Variants in ALPK1 observed in about 807,000 individuals in gnomAD.
ALPK1 encodes alpha-protein kinase 1.
ALPK1 carries 110 observed loss-of-function variants against 120.6 expected under a neutral mutation model. The observed-to-expected ratio is 0.91, with a 90% CI of 0.78 to 1.07. ALPK1 has a LOEUF of 1.07. ALPK1 is among the 50% of genes least tolerant of loss of function. The pLI is 0.00. For missense variants in ALPK1, 1,498 were observed against 1,483.9 expected (o/e 1.01, Z -0.16); for synonymous variants, 582 against 560.3 (o/e 1.04, Z -0.55).
chr4:112,403,774 A>T (rs1733033841), intron 4 of ALPK1, among the ~76,000 whole-genome samples: 1 of 152,208 alleles, frequency 6.6e-6, no homozygotes, highest in Non-Finnish European at 1.5e-5. Context: ...ATCCTCCTCC[A>T]AGTCTACTTT....
At chr4:112,429,342 C>G (rs17444613) in intron 10 of ALPK1, 89 bp downstream of exon 10, 219,331 of 1,012,944 alleles carry the variant, frequency 0.22, 25,915 homozygotes, top group Non-Finnish European at 0.25. Context: ...AAGGTTTAAC[C>G]TTCAAACAGG....
chr4:112,325,193 C>T (rs1306995197), intron 2 of ALPK1, among the ~76,000 whole-genome samples: 1 of 152,162 alleles, frequency 6.6e-6, no homozygotes, highest in African/African-American at 2.4e-5. Flanking sequence ...GGTAATGCAC[C>T]TATCTCCCTA....
chr4:112,368,264 T>C (rs1163632831), intron 2 of ALPK1, among the ~76,000 whole-genome samples: 1 of 152,246 alleles, frequency 6.6e-6, no homozygotes, highest in Non-Finnish European at 1.5e-5. Flanking sequence ...GAATTTTTAA[T>C]TTTTAATTTT....
chr4:112,430,647 G>A lies in ALPK1; in HGVS notation c.1100G>A (p.Arg367Lys), dbSNP rs1289963819. Reference protein sequence around the residue: ...AAFGLTTVHRRLHGETGTVHA... With the variant: ...AAFGLTTVHRKLHGETGTVHA... Reference sequence around the variant, plus strand: ...TTCGGTCTCACCACAGTGCACAGAAGGCTCCATGGGGAGACAGGGACGGTC... The same window carrying A: ...TTCGGTCTCACCACAGTGCACAGAAAGCTCCATGGGGAGACAGGGACGGTC... The change falls in exon 11 of 16, where the codon AGG becomes AAG. Residue 367 changes from arginine to lysine, a missense_variant. Coordinates refer to ENST00000650871, the MANE Select transcript of ALPK1 (RefSeq NM_025144.4). 6.2e-7 allele frequency: 1 copy of A among 1,614,172 alleles called. No homozygotes were observed. Among genetic ancestry groups the A allele is most frequent in the Non-Finnish European group, 8.5e-7 (1 of 1,180,032 alleles).
intron 1 of ALPK1, among the ~76,000 whole-genome samples, chr4:112,314,342 A>G (rs1234246893): frequency 6.6e-6 from 1 of 151,842 alleles, no homozygotes; most frequent in South Asian, 2.1e-4. Flanking sequence ...GGATCCATAG[A>G]GGTCCCAGTG....
chr4:112,408,876 C>T (rs942735993), intron 4 of ALPK1, among the ~76,000 whole-genome samples: 7 of 152,110 alleles, frequency 4.6e-5, no homozygotes, highest in African/African-American at 1.7e-4. Flanking sequence ...TAGGCTTTTT[C>T]TGGTTGGAAG....
chr4:112,432,528 A>G lies in ALPK1; in HGVS notation c.2981A>G (p.Gln994Arg). 2.5e-6 allele frequency: 4 copies of G among 1,614,146 alleles called. No individual in the cohort carries two copies. Among genetic ancestry groups the G allele is most frequent in the Non-Finnish European group, 3.4e-6 (4 of 1,180,034 alleles). The change falls in exon 11 of 16, where the codon CAG becomes CGG. Residue 994 changes from glutamine (Q) to arginine (R), a missense_variant. Physicochemically the swap from Gln to Arg is conservative, Grantham distance 43 (BLOSUM62 1). Coordinates refer to ENST00000650871, the MANE Select transcript of ALPK1 (RefSeq NM_025144.4). ...LAGVRHDWLF[Q>R]RLENTGVFKP... is the part of the protein sequence containing the mutation. ...GGAGTGAGGCATGATTGGCTGTTTC[A>G]GAGACTAGAGAATACGGGGGTTTTT...
intron 12 of ALPK1, among the ~76,000 whole-genome samples, chr4:112,435,828 G>T (rs778387296): frequency 2.0e-5 from 3 of 152,144 alleles, no homozygotes; most frequent in Non-Finnish European, 4.4e-5. Flanking sequence ...CACCCAGAAG[G>T]GAATGAGTTC....
chr4:112,398,428 G>C lies in ALPK1; in HGVS notation c.277-13399G>C, dbSNP rs547072188. On this transcript the variant is annotated intron_variant, in intron 4 of 15. Transcript: ENST00000650871. ...CCACCTCAACCTCCAGAATAGCTGAGACTACAGGCAAGCACCACCATGCAT... is the reference window on the plus strand; with the variant it reads ...CCACCTCAACCTCCAGAATAGCTGACACTACAGGCAAGCACCACCATGCAT... Among the ~76,000 whole-genome samples the C allele has an allele frequency of 1.9e-4, 29 of 152,122 alleles. No individual in the cohort carries two copies. The South Asian group carries it at 6.0e-3, about 32-fold the overall frequency.
chr4:112,299,756 C>T (rs746611699), intron 1 of ALPK1, among the ~76,000 whole-genome samples: 4 of 152,138 alleles, frequency 2.6e-5, no homozygotes, highest in Non-Finnish European at 5.9e-5. Flanking sequence ...ACGTTTATCA[C>T]ACCTGTAGCC....
At position 112,314,053 on chromosome 4, in the gene ALPK1, A is replaced by G. The variant is rs149266169; in HGVS notation, c.-152-1748A>G. Among the ~76,000 whole-genome samples, 49 of 152,348 alleles carry G rather than the reference A, an allele frequency of 3.2e-4. 1 individual carries two copies. The highest frequency in any genetic ancestry group is 1.1e-3 in the African/African-American group (46 of 41,592). ...TGTAAAAGATTGAGAGAGGAAGAGG[A>G]GAGAAATACTGCTGCCCTTGAATAG... On this transcript the variant is annotated intron_variant, in intron 1 of 15. Transcript: ENST00000650871.
Position 112,344,546 on chromosome 4 carries a change from T to C in ALPK1, c.-101+28694T>C, listed in dbSNP as rs80333198. On this transcript the variant is annotated intron_variant, in intron 2 of 15. Coordinates refer to ENST00000650871, the MANE Select transcript of ALPK1 (RefSeq NM_025144.4). ...TCATAGAATTATCTTATTGGAAGTC[T>C]AAGAGCATTAAAAAGGACTTGGGTT... Among the ~76,000 whole-genome samples, 64 of 152,344 alleles carry C rather than the reference T, an allele frequency of 4.2e-4. No individual in the cohort carries two copies. The East Asian group carries it at 0.012, about 29-fold the overall frequency.
At position 112,418,259 on chromosome 4, in the gene ALPK1, A is replaced by G. The variant is rs138371783; in HGVS notation, c.476-5685A>G. Among the ~76,000 whole-genome samples, 1,197 of 152,296 alleles carry G rather than the reference A, an allele frequency of 7.9e-3. 16 individuals carry two copies. The highest frequency in any genetic ancestry group is 0.027 in the African/African-American group (1,124 of 41,560). ...TTCCATGCTGGCCAAACTCGCTGGA[A>G]ACCCACCTTCTGAATGTTGGGGGAA... is the stretch of plus-strand genomic sequence containing the variant. On this transcript the variant is annotated intron_variant, in intron 5 of 15. Coordinates refer to ENST00000650871, the MANE Select transcript of ALPK1 (RefSeq NM_025144.4).
At chr4:112,300,822 G>T (rs1463878787) in intron 1 of ALPK1, among the ~76,000 whole-genome samples, 2 of 151,814 alleles carry the variant, frequency 1.3e-5, no homozygotes, top group African/African-American at 4.8e-5. Context: ...ATTTATATCT[G>T]CACATATTGT....
At chr4:112,437,825 T>A (rs1560690820) in intron 12 of ALPK1, among the ~76,000 whole-genome samples, 15 of 152,214 alleles carry the variant, frequency 9.9e-5, no homozygotes, top group Non-Finnish European at 2.9e-5. Flanking sequence ...GTGGTCACTC[T>A]GGGCACATGT....
At chr4:112,320,893 C>CTTTTTTT (rs1430803675) in intron 2 of ALPK1, among the ~76,000 whole-genome samples, 10 of 119,208 alleles carry the variant, frequency 8.4e-5, no homozygotes, top group African/African-American at 3.8e-4. Context: ...TCACCCATTT[C>CTTTTTTT]TTTCTTTTTT....
intron 4 of ALPK1, among the ~76,000 whole-genome samples, chr4:112,398,061 G>A (rs962174944): frequency 1.3e-5 from 2 of 152,166 alleles, no homozygotes; most frequent in African/African-American, 2.4e-5. Flanking sequence ...GCTAGGGAAG[G>A]ATTTTTTGAA....
intron 4 of ALPK1, 166 bp downstream of exon 4, chr4:112,382,718 T>G: frequency 1.0e-6 from 1 of 967,076 alleles, no homozygotes; most frequent in Non-Finnish European, 1.5e-6. Context: ...TTGAAAAACA[T>G]TACTTGCCCA....
At chr4:112,324,109 C>T (rs1490117801) in intron 2 of ALPK1, among the ~76,000 whole-genome samples, 4 of 152,056 alleles carry the variant, frequency 2.6e-5, no homozygotes, top group African/African-American at 4.8e-5. Flanking sequence ...GGGCGGATCA[C>T]GAGGTCAGGA....
Sources: gnomAD v4.1 joint callset for allele counts (sites outside exome capture counted in the v4.1 genomes callset) on GRCh38, gnomAD v4.1.1 for gene constraint, MANE v1.5 for transcripts, NCBI Gene and HGNC (gene_info 2026-07-23, HGNC 2026-07-21) for gene names.